The following BBS9 variants were observed in gnomAD, a reference collection of about 807,000 sequenced individuals.
BBS9 encodes the protein Bardet-Biedl syndrome 9.
A neutral mutation model predicts 117.7 loss-of-function variants in BBS9; 89 were observed. The observed-to-expected ratio is 0.76, with a 90% CI of 0.64 to 0.90. The LOEUF (loss-of-function observed/expected upper bound fraction) is 0.90. BBS9 is among the 40% of genes least tolerant of loss of function. BBS9 has a pLI of 0.00. For missense variants in BBS9, 982 were observed against 1,042.2 expected (o/e 0.94, Z 0.80); for synonymous variants, 379 against 370.9 (o/e 1.02, Z -0.25).
intron 5 of BBS9, among the ~76,000 whole-genome samples, chr7:33,243,474 A>T (rs1794855891): frequency 6.6e-6 from 1 of 152,174 alleles, no homozygotes; most frequent in Non-Finnish European, 1.5e-5. Flanking sequence ...GAAGATTTTT[A>T]ATGGGATCGT....
intron 21 of BBS9, among the ~76,000 whole-genome samples, chr7:33,545,317 A>G (rs1339147130): frequency 6.6e-6 from 1 of 152,038 alleles, no homozygotes; most frequent in Non-Finnish European, 1.5e-5. Context: ...CACCCTCGCA[A>G]TGGATCCCTG....
chr7:33,564,558 G>A (rs976247289), intron 21 of BBS9, among the ~76,000 whole-genome samples: 7 of 152,104 alleles, frequency 4.6e-5, no homozygotes, highest in Admixed American at 2.0e-4. Context: ...TTCAATTCAC[G>A]ATGACTTTTC....
chr7:33,577,261 C>G (rs1859066370), intron 21 of BBS9, among the ~76,000 whole-genome samples: 2 of 152,136 alleles, frequency 1.3e-5, no homozygotes, highest in South Asian at 4.1e-4. Context: ...AGACACTTCT[C>G]AAAAGAAGAC....
chr7:33,374,536 C>T (rs1036789677), intron 17 of BBS9, among the ~76,000 whole-genome samples: 1 of 151,982 alleles, frequency 6.6e-6, no homozygotes, highest in Admixed American at 6.6e-5. Flanking sequence ...TGGAAAAAGC[C>T]TGTTGAAAAG....
chr7:33,493,617 G>C (rs1480043812), intron 19 of BBS9, among the ~76,000 whole-genome samples: 2 of 152,222 alleles, frequency 1.3e-5, no homozygotes, highest in Non-Finnish European at 2.9e-5. Context: ...TGAAGGCCCA[G>C]CTGTCCTTTA....
rs746345067 is a variant in BBS9, at chr7:33,146,263, T to A, written c.11T>A (p.Phe4Tyr). Reference protein sequence around the residue: MSLFKARDWWSTIL... With the variant: MSLYKARDWWSTIL... ...TTAGTGTGAAAGAAAATGTCTTTAT[T>A]TAAAGCCCGTGATTGGTGGTCTACT... The change falls in exon 2 of 23, where the codon TTT (phenylalanine) becomes TAT (tyrosine). Residue 4 changes from phenylalanine (F) to tyrosine (Y), a missense_variant. By Grantham distance (22) the Phe-to-Tyr change is conservative (BLOSUM62 3). Transcript: ENST00000242067. 9.3e-6 allele frequency: 15 copies of A among 1,613,062 alleles called. No individual in the cohort carries two copies. The highest frequency in any genetic ancestry group is 1.3e-5 in the Non-Finnish European group (15 of 1,178,982).
At chr7:33,237,665 A>G (rs1427900548) in intron 5 of BBS9, among the ~76,000 whole-genome samples, 1 of 152,204 alleles carries the variant, frequency 6.6e-6, no homozygotes, top group Non-Finnish European at 1.5e-5. Flanking sequence ...TACCACATTC[A>G]TCTAGTACCT....
chr7:33,492,777 G>A (rs1373192398), intron 19 of BBS9, among the ~76,000 whole-genome samples: 4 of 149,198 alleles, frequency 2.7e-5, no homozygotes, highest in African/African-American at 7.5e-5. Context: ...CCTGATAGCC[G>A]TTTGTATAGC....
At chr7:33,547,880 G>A (rs1853673704) in intron 21 of BBS9, among the ~76,000 whole-genome samples, 1 of 152,158 alleles carries the variant, frequency 6.6e-6, no homozygotes, top group South Asian at 2.1e-4. Flanking sequence ...GTGTAACAGG[G>A]AGTCCATAAT....
intron 9 of BBS9, among the ~76,000 whole-genome samples, chr7:33,313,401 G>A (rs1809740446): frequency 6.6e-6 from 1 of 152,108 alleles, no homozygotes; most frequent in South Asian, 2.1e-4. Flanking sequence ...TTTTGCTTCT[G>A]GAGTACGAAA....
chr7:33,521,324 C>T (rs953675020), intron 20 of BBS9, among the ~76,000 whole-genome samples: 3 of 152,196 alleles, frequency 2.0e-5, no homozygotes, highest in African/African-American at 7.2e-5. Flanking sequence ...TTCTGAAGGT[C>T]TCTTAGCTTG....
At chr7:33,619,152 AT>A (rs1303133918) in intron 21 of BBS9, among the ~76,000 whole-genome samples, 4 of 152,148 alleles carry the variant, frequency 2.6e-5, no homozygotes, top group Non-Finnish European at 4.4e-5. Flanking sequence ...AAATGAAGGA[AT>A]GAAAAAAGAT....
intron 19 of BBS9, among the ~76,000 whole-genome samples, chr7:33,483,561 T>A (rs1046951794): frequency 2.6e-5 from 4 of 152,188 alleles, no homozygotes; most frequent in Non-Finnish European, 5.9e-5. Flanking sequence ...AACATTTTGA[T>A]GTTTACCACT....
At chr7:33,408,525 T>A in intron 19 of BBS9, among the ~76,000 whole-genome samples, 1 of 152,212 alleles carries the variant, frequency 6.6e-6, no homozygotes, top group East Asian at 1.9e-4. Context: ...ACCTGTCTTC[T>A]GCGTCGCTCA....
At chr7:33,524,519 T>A (rs1366192382) in intron 20 of BBS9, among the ~76,000 whole-genome samples, 1 of 152,202 alleles carries the variant, frequency 6.6e-6, no homozygotes, top group African/African-American at 2.4e-5. Flanking sequence ...TCTTCTAGAT[T>A]TTCTAGTTTA....
chr7:33,548,137 G>C (rs1273803596), intron 21 of BBS9, among the ~76,000 whole-genome samples: 1 of 152,292 alleles, frequency 6.6e-6, no homozygotes, highest in East Asian at 1.9e-4. Flanking sequence ...AGAATACCAG[G>C]GGAGTTTGAG....
chr7:33,405,629 C>A (rs547220127), intron 19 of BBS9, among the ~76,000 whole-genome samples: 2 of 152,108 alleles, frequency 1.3e-5, no homozygotes, highest in East Asian at 1.9e-4. Context: ...AGTTTATTTG[C>A]GTAGAGGTGT....
At chr7:33,131,751 C>A (rs1789648940) in intron 1 of BBS9, among the ~76,000 whole-genome samples, 1 of 152,060 alleles carries the variant, frequency 6.6e-6, no homozygotes, top group South Asian at 2.1e-4. Flanking sequence ...CATAGTGAGA[C>A]CTCGTCTTTG....
At chr7:33,330,256 C>G (rs1464577093) in intron 9 of BBS9, among the ~76,000 whole-genome samples, 1 of 152,128 alleles carries the variant, frequency 6.6e-6, no homozygotes, top group Non-Finnish European at 1.5e-5. Context: ...CTCAGGCAAT[C>G]TGCCCACCTC....
Sources: gnomAD v4.1 joint callset for allele counts (sites outside exome capture counted in the v4.1 genomes callset) on GRCh38, gnomAD v4.1.1 for gene constraint, MANE v1.5 for transcripts, NCBI Gene and HGNC (gene_info 2026-07-23, HGNC 2026-07-21) for gene names.